GALNT13: variants seen among roughly 807,000 people sequenced by gnomAD.
GALNT13 encodes polypeptide N-acetylgalactosaminyltransferase 13, also known as UDP-GalNAc:polypeptide N-acetylgalactosaminyltransferase 13.
GALNT13 carries 28 observed loss-of-function variants against 64.2 expected under a neutral mutation model. The observed-to-expected ratio is 0.44, with a 90% CI of 0.32 to 0.60. GALNT13 has a LOEUF of 0.60. Ranked by LOEUF, GALNT13 falls within the 20% of genes least tolerant of loss-of-function variation. The probability of loss-of-function intolerance (pLI) is 0.05; values close to 1 mark genes in which losing one functional copy is unlikely to be tolerated. For synonymous variants in GALNT13, 214 were observed against 224.6 expected (o/e 0.95, Z 0.42); for missense variants, 577 against 669.8 (o/e 0.86, Z 1.53).
chr2:153,351,702 A>C, the GALNT13 span, among the ~76,000 whole-genome samples: 1 of 152,308 alleles, frequency 6.6e-6, no homozygotes, highest in Non-Finnish European at 1.5e-5. Context: ...AGATAGTTGG[A>C]TCACACAGTA....
intron 4 of GALNT13, among the ~76,000 whole-genome samples, chr2:154,163,340 A>AC: frequency 6.6e-6 from 1 of 152,186 alleles, no homozygotes; most frequent in African/African-American, 2.4e-5. Context: ...AAATTGATAG[A>AC]CCACTAGCAA....
At chr2:153,640,707 G>C in the GALNT13 span, among the ~76,000 whole-genome samples, 821 of 152,198 alleles carry the variant, frequency 5.4e-3, 7 homozygotes, top group African/African-American at 0.019. Context: ...ACCTGAGCCT[G>C]GGAGGCAAAG....
At chr2:154,143,424 A>T (rs1487566145) in intron 4 of GALNT13, among the ~76,000 whole-genome samples, 1 of 152,040 alleles carries the variant, frequency 6.6e-6, no homozygotes, top group South Asian at 2.1e-4. Context: ...AACTAGGTAA[A>T]CACTATTTCA....
At chr2:153,313,295 C>T in the GALNT13 span, among the ~76,000 whole-genome samples, 1 of 152,076 alleles carries the variant, frequency 6.6e-6, no homozygotes, top group Admixed American at 6.6e-5. Context: ...ATGGAATCAA[C>T]CTAAATGTCC....
intron 9 of GALNT13, among the ~76,000 whole-genome samples, chr2:154,313,341 A>G (rs964365601): frequency 7.4e-5 from 11 of 148,164 alleles, no homozygotes; most frequent in African/African-American, 2.7e-4. Context: ...CACACTATAT[A>G]TATATATTTA....
chr2:153,532,061 C>T, the GALNT13 span, among the ~76,000 whole-genome samples: 1 of 152,056 alleles, frequency 6.6e-6, no homozygotes, highest in Non-Finnish European at 1.5e-5. Flanking sequence ...CCTTCTTCTC[C>T]CAGCTCCACT....
intron 9 of GALNT13, among the ~76,000 whole-genome samples, chr2:154,389,891 TG>T (rs1698703939): frequency 6.6e-6 from 1 of 152,058 alleles, no homozygotes; most frequent in Non-Finnish European, 1.5e-5. Context: ...AGCAGTTGGT[TG>T]GTTTAGGCAG....
At chr2:153,351,456 C>T in the GALNT13 span, among the ~76,000 whole-genome samples, 3 of 152,274 alleles carry the variant, frequency 2.0e-5, no homozygotes, top group Admixed American at 1.3e-4. Flanking sequence ...GAGGAACCTA[C>T]GTTGACACAT....
At chr2:153,684,077 T>C in the GALNT13 span, among the ~76,000 whole-genome samples, 165 of 150,360 alleles carry the variant, frequency 1.1e-3, no homozygotes, top group African/African-American at 3.8e-3. Context: ...ATAATATATA[T>C]ATATATATAT....
intron 3 of GALNT13, among the ~76,000 whole-genome samples, chr2:153,964,496 T>G (rs1033382058): frequency 1.3e-5 from 2 of 152,154 alleles, no homozygotes; most frequent in African/African-American, 4.8e-5. Context: ...AGTACTCTCT[T>G]GTACATTTCT....
chr2:153,990,436 T>C (rs1443067034), intron 3 of GALNT13, among the ~76,000 whole-genome samples: 1 of 152,170 alleles, frequency 6.6e-6, no homozygotes, highest in African/African-American at 2.4e-5. Flanking sequence ...GTATAAGGTC[T>C]ACTTGTAAAA....
the GALNT13 span, among the ~76,000 whole-genome samples, chr2:153,630,554 C>T: frequency 2.3e-4 from 33 of 145,606 alleles, no homozygotes; most frequent in Admixed American, 6.2e-4. Context: ...TGCTAAATGA[C>T]GAGTTAATAG....
chr2:154,439,163 T>C (rs1404841733), intron 12 of GALNT13, among the ~76,000 whole-genome samples: 1 of 152,186 alleles, frequency 6.6e-6, no homozygotes, highest in Non-Finnish European at 1.5e-5. Context: ...ATTAACAAGA[T>C]TTCTTTACTG....
the GALNT13 span, among the ~76,000 whole-genome samples, chr2:153,661,173 G>A: frequency 6.6e-6 from 1 of 151,612 alleles, no homozygotes; most frequent in African/African-American, 2.4e-5. Context: ...TAACCTGCTT[G>A]AGCTTCCTTT....
At chr2:153,801,678 T>A in the GALNT13 span, among the ~76,000 whole-genome samples, 1 of 152,278 alleles carries the variant, frequency 6.6e-6, no homozygotes, top group African/African-American at 2.4e-5. Context: ...ATTGTGAGAA[T>A]AAACTAAATG....
At chr2:153,935,736 A>G (rs1690863103) in intron 2 of GALNT13, among the ~76,000 whole-genome samples, 1 of 152,188 alleles carries the variant, frequency 6.6e-6, no homozygotes, top group Non-Finnish European at 1.5e-5. Context: ...CACAGATGCT[A>G]CTTCACTCAG....
rs1280943521 is a variant in GALNT13 at position 154,359,029 on chromosome 2, T to C, written c.1157-36962T>C. On this transcript the variant is annotated intron_variant, in intron 9 of 12. Transcript: ENST00000392825. The stretch of plus-strand genomic sequence containing the variant: ...GTTATGCTGGGAGGCAGGAACCTAG[T>C]CTTATCTGTCCTGCTGTTTGCAGGG... 4.6e-5 allele frequency among the ~76,000 whole-genome samples: 7 copies of C among 152,124 alleles called. No individual in the cohort carries two copies. The East Asian group carries it at 1.2e-3, about 25-fold the overall frequency.
intron 3 of GALNT13, among the ~76,000 whole-genome samples, chr2:154,114,627 C>G (rs926862873): frequency 6.6e-6 from 1 of 152,082 alleles, no homozygotes; most frequent in Non-Finnish European, 1.5e-5. Flanking sequence ...TCAAGGGGTA[C>G]TGGGTCTGTA....
chr2:153,307,903 A>G, the GALNT13 span, among the ~76,000 whole-genome samples: 1 of 152,164 alleles, frequency 6.6e-6, no homozygotes, highest in Non-Finnish European at 1.5e-5. Context: ...ATAACTCAGT[A>G]CATTACATTT....
Sources: allele counts gnomAD v4.1 joint callset (sites outside exome capture counted in the v4.1 genomes callset), GRCh38; gene constraint gnomAD v4.1.1; transcripts MANE v1.5; gene names NCBI Gene and HGNC (gene_info 2026-07-23, HGNC 2026-07-21).